RUNDC3B: variants seen among roughly 807,000 people sequenced by gnomAD.
RUNDC3B encodes the protein RUN domain containing 3B.
In RUNDC3B, 33 loss-of-function variants were observed where a neutral mutation model predicts 58.4. The observed-to-expected ratio is 0.56, with a 90% CI of 0.43 to 0.75. The LOEUF (loss-of-function observed/expected upper bound fraction) is 0.75, where lower values mean the gene tolerates loss of function less well. Ranked by LOEUF, RUNDC3B falls within the 30% of genes least tolerant of loss-of-function variation. The probability of loss-of-function intolerance (pLI) is 0.00; values close to 1 mark genes in which losing one functional copy is unlikely to be tolerated. For synonymous variants in RUNDC3B, 193 were observed against 195.2 expected (o/e 0.99, Z 0.10); for missense variants, 501 against 535.7 (o/e 0.94, Z 0.64).
chr7:87,774,460 G>A (rs1834506785), intron 7 of RUNDC3B, among the ~76,000 whole-genome samples: 2 of 151,958 alleles, frequency 1.3e-5, no homozygotes, highest in South Asian at 4.2e-4. Context: ...AAAAATTAAT[G>A]AAATAAATTC....
intron 4 of RUNDC3B, among the ~76,000 whole-genome samples, chr7:87,714,983 A>T (rs1830428574): frequency 6.6e-6 from 1 of 151,914 alleles, no homozygotes; most frequent in Non-Finnish European, 1.5e-5. Context: ...ACAATACTGC[A>T]TGCAATTTTG....
Position 87,817,153 on chromosome 7 carries a change from G to A in RUNDC3B, c.1225+891G>A, listed in dbSNP as rs529652307. On this transcript the variant is annotated intron_variant, in intron 10 of 10. Transcript: ENST00000394654. Reference sequence around the variant, plus strand: ...TCTTGCAGTAAATATTGGCACTATAGCCATTATCCTAGATTCTATTCTTTC... The same window carrying A: ...TCTTGCAGTAAATATTGGCACTATAACCATTATCCTAGATTCTATTCTTTC... 6.6e-5 allele frequency among the ~76,000 whole-genome samples: 10 copies of A among 152,232 alleles called. 1 individual carries two copies. Among genetic ancestry groups the A allele is most frequent in the Middle Eastern group, 3.4e-3 (1 of 294 alleles).
intron 6 of RUNDC3B, among the ~76,000 whole-genome samples, chr7:87,758,758 C>T (rs993289737): frequency 5.3e-5 from 8 of 152,026 alleles, no homozygotes; most frequent in Non-Finnish European, 1.0e-4. Context: ...CAGAGAAATG[C>T]AAATCAAAAC....
intron 3 of RUNDC3B, among the ~76,000 whole-genome samples, chr7:87,706,602 A>G (rs1829608520): frequency 1.3e-5 from 2 of 152,180 alleles, no homozygotes; most frequent in African/African-American, 2.4e-5. Flanking sequence ...TCCTGGAGAG[A>G]TGGATATTAC....
Position 87,830,269 on chromosome 7 carries a change from A to G in RUNDC3B, c.*239A>G, listed in dbSNP as rs1471071198. The G allele has an allele frequency of 7.2e-6, 2 of 276,006 alleles. No individual in the cohort carries two copies. Among genetic ancestry groups the G allele is most frequent in the African/African-American group, 4.5e-5 (2 of 44,078 alleles). 17.1% of individuals were successfully genotyped at this position (276,006 alleles called of 1,614,324 possible). A position where few individuals can be genotyped will look rare whatever the true frequency, so the allele number is the denominator to read the frequency against. On this transcript the variant is annotated 3_prime_UTR_variant, in exon 11 of 11. Coordinates refer to ENST00000394654, the MANE Select transcript of RUNDC3B (RefSeq NM_001134405.2). ...AAGTTCAAAATGGAATAGGCTTTAA[A>G]AAAAAAAAAACTTTCAAAGATCCGC...
At chr7:87,693,951 T>TC (rs761238094) in intron 2 of RUNDC3B, 1 of 1,611,692 alleles carries the variant, frequency 6.2e-7, no homozygotes, top group Admixed American at 1.7e-5. Context: ...TCCAAATACC[T>TC]CTTCAAGGTA....
At chr7:87,813,587 C>T (rs1247587927) in intron 9 of RUNDC3B, among the ~76,000 whole-genome samples, 3 of 152,014 alleles carry the variant, frequency 2.0e-5, no homozygotes, top group African/African-American at 7.2e-5. Flanking sequence ...AAAAGTAAGC[C>T]TCCTACCTAT....
intron 1 of RUNDC3B, among the ~76,000 whole-genome samples, chr7:87,636,235 A>G (rs1227173289): frequency 1.3e-5 from 2 of 152,120 alleles, no homozygotes; most frequent in Non-Finnish European, 2.9e-5. Flanking sequence ...TATCCTAACT[A>G]ATGCTTGACA....
intron 2 of RUNDC3B, among the ~76,000 whole-genome samples, chr7:87,661,895 C>T (rs750127901): frequency 7.2e-5 from 11 of 152,002 alleles, no homozygotes; most frequent in Non-Finnish European, 1.3e-4. Flanking sequence ...CCCTTTTCTC[C>T]ACACCCTCAC....
At chr7:87,668,631 C>T (rs1825512652) in intron 2 of RUNDC3B, among the ~76,000 whole-genome samples, 1 of 152,076 alleles carries the variant, frequency 6.6e-6, no homozygotes, top group African/African-American at 2.4e-5. Flanking sequence ...GAAGTTCTCT[C>T]TTAACACTGT....
At chr7:87,812,526 T>C (rs1277306527) in intron 9 of RUNDC3B, among the ~76,000 whole-genome samples, 2 of 152,134 alleles carry the variant, frequency 1.3e-5, no homozygotes. Context: ...GGAGAATCAC[T>C]TGAACCTGGG....
intron 10 of RUNDC3B, among the ~76,000 whole-genome samples, chr7:87,828,812 A>G (rs973650808): frequency 1.3e-5 from 2 of 152,212 alleles, no homozygotes; most frequent in East Asian, 3.8e-4. Context: ...TGCTTTCCAC[A>G]ATGGCTGAAC....
intron 10 of RUNDC3B, among the ~76,000 whole-genome samples, chr7:87,816,840 A>G (rs1012132179): frequency 6.6e-6 from 1 of 152,118 alleles, no homozygotes; most frequent in Non-Finnish European, 1.5e-5. Flanking sequence ...TTTGAATTAT[A>G]TGGTCCCATT....
intron 4 of RUNDC3B, among the ~76,000 whole-genome samples, chr7:87,721,951 G>A (rs150231869): frequency 1.4e-3 from 210 of 151,968 alleles, no homozygotes; most frequent in African/African-American, 4.6e-3. Context: ...GCCTTTCCAA[G>A]TCTTGTCTTA....
Position 87,628,586 on chromosome 7 carries a change from T to TGTGC in RUNDC3B, c.-235_-234insCGTG, listed in dbSNP as rs1554445695. On this transcript the variant is annotated 5_prime_UTR_variant, in exon 1 of 11. Coordinates refer to ENST00000394654, the MANE Select transcript of RUNDC3B (RefSeq NM_001134405.2). Reference sequence around the variant, plus strand: ...AGGGCGGAGGTGGTGCGTGCGTGCGTGTGTGTGTGTGTGTGTGTGTGTGTG... The same window carrying TGTGC: ...AGGGCGGAGGTGGTGCGTGCGTGCGTGTGCGTGTGTGTGTGTGTGTGTGTGTGTG... The TGTGC allele has an allele frequency of 6.3e-5, 1 of 15,916 alleles. No individual in the cohort carries two copies. 1.0% of individuals were successfully genotyped at this position (15,916 alleles called of 1,614,324 possible). A position where few individuals can be genotyped will look rare whatever the true frequency, so the allele number is the denominator to read the frequency against.
intron 8 of RUNDC3B, among the ~76,000 whole-genome samples, chr7:87,780,923 G>A (rs765557258): frequency 3.9e-5 from 6 of 152,026 alleles, no homozygotes; most frequent in South Asian, 2.1e-4. Flanking sequence ...GTAATGTGAC[G>A]CCTCCAGCTT....
intron 5 of RUNDC3B, 88 bp from the exon 6 acceptor site, chr7:87,741,411 C>T (rs915723112): frequency 5.4e-5 from 40 of 735,754 alleles, no homozygotes; most frequent in Admixed American, 2.2e-4. Context: ...ATGAGAGAAA[C>T]GTCTCTGGCA....
At chr7:87,823,412 A>AT (rs5885603) in intron 10 of RUNDC3B, among the ~76,000 whole-genome samples, 15,752 of 150,988 alleles carry the variant, frequency 0.1, 1,034 homozygotes, top group African/African-American at 0.18. Context: ...TTTTATTTTT[A>AT]TTTTTTTTAA....
chr7:87,674,301 G>A (rs145741954), intron 2 of RUNDC3B, among the ~76,000 whole-genome samples: 120 of 152,276 alleles, frequency 7.9e-4, no homozygotes, highest in African/African-American at 2.7e-3. Context: ...TGTGGCAGGG[G>A]TGGGGGTACT....
Sources: allele counts gnomAD v4.1 joint callset (sites outside exome capture counted in the v4.1 genomes callset), GRCh38; gene constraint gnomAD v4.1.1; transcripts MANE v1.5; gene names NCBI Gene and HGNC (gene_info 2026-07-23, HGNC 2026-07-21).